ZFP3: variants seen among roughly 807,000 people sequenced by gnomAD.
The protein encoded by ZFP3 is zinc finger protein 3 homolog.
In ZFP3, 18 loss-of-function variants were observed where a neutral mutation model predicts 36.7. That is an observed-to-expected ratio of 0.49 (90% CI 0.34 to 0.73). The LOEUF is 0.73. Ranked by LOEUF, ZFP3 falls within the 30% of genes least tolerant of loss-of-function variation. The pLI is 0.01. For missense variants in ZFP3, 495 were observed against 599.0 expected, an observed-to-expected ratio of 0.83 and a Z score of 1.81; for synonymous variants, 218 against 199.0, an observed-to-expected ratio of 1.10 and a Z score of -0.81.
At position 5,094,534 on chromosome 17, in the gene ZFP3, C is replaced by T. The variant is rs112694016; in HGVS notation, c.*1521C>T. ...TCTTAGCGCTAGACCTTGAACAAGG[C>T]ACTTCACCTGCTGGTCTCCAATTTT... On this transcript the variant is annotated 3_prime_UTR_variant, in exon 2 of 2. Coordinates refer to ENST00000318833, the MANE Select transcript of ZFP3 (RefSeq NM_153018.3). 10 of 167,110 alleles carry T rather than the reference C, an allele frequency of 6.0e-5. No homozygotes were observed. The highest frequency in any genetic ancestry group is 2.4e-4 in the African/African-American group (10 of 41,456). The allele number at this position is 167,110 out of a possible 1,614,324, so 10.4% of individuals were successfully genotyped here.
chr17:5,093,114 T>G lies in ZFP3; in HGVS notation c.*101T>G. 8.0e-7 allele frequency: 1 copy of G among 1,252,988 alleles called. No individual in the cohort carries two copies. The highest frequency in any genetic ancestry group is 2.5e-5 in the East Asian group (1 of 40,338). The allele number at this position is 1,252,988 out of a possible 1,614,324, so 77.6% of individuals were successfully genotyped here. On this transcript the variant is annotated 3_prime_UTR_variant, in exon 2 of 2. Coordinates refer to ENST00000318833, the MANE Select transcript of ZFP3 (RefSeq NM_153018.3). ...ACCCCAAGTATTCAAATCCAATGAATGGACAGAACCTCCTCTGTCCTCCCA... is the reference window on the plus strand; with the variant it reads ...ACCCCAAGTATTCAAATCCAATGAAGGGACAGAACCTCCTCTGTCCTCCCA...
At chr17:5,089,398 T>C (rs1451358956) in intron 1 of ZFP3, among the ~76,000 whole-genome samples, 2 of 152,156 alleles carry the variant, frequency 1.3e-5, no homozygotes, top group Non-Finnish European at 2.9e-5. Flanking sequence ...CCTCATCCTT[T>C]AGGAGATTTC....
Position 5,094,822 on chromosome 17 carries a change from A to G in ZFP3, c.*1809A>G, listed in dbSNP as rs2072171905. On this transcript the variant is annotated 3_prime_UTR_variant, in exon 2 of 2. Transcript: ENST00000318833. ...AGCTTTATGAAGGTATAATTTACGTACTATAAAATTCACCTGTTTTAAGTG... is the reference window on the plus strand; with the variant it reads ...AGCTTTATGAAGGTATAATTTACGTGCTATAAAATTCACCTGTTTTAAGTG... 1 of 167,024 alleles carries G rather than the reference A, an allele frequency of 6.0e-6. No homozygotes were observed. The highest frequency in any genetic ancestry group is 1.5e-5 in the Non-Finnish European group (1 of 68,114). The allele number at this position is 167,024 out of a possible 1,614,324, so 10.3% of individuals were successfully genotyped here. A position where few individuals can be genotyped will look rare whatever the true frequency, so the allele number is the denominator to read the frequency against.
chr17:5,092,856 G>A lies in ZFP3; in HGVS notation c.1352G>A (p.Cys451Tyr), dbSNP rs2072157963. ...KIHIGEKPYE[C>Y]SECEKTFSQH... ...CATATTGGAGAGAAACCTTATGAAT[G>A]TAGCGAGTGTGAGAAAACATTTAGC... The change falls in exon 2 of 2, where the codon TGT (cysteine) becomes TAT (tyrosine). Residue 451 changes from cysteine to tyrosine, a missense_variant. Around this residue, in one of 3 missense-constraint regions of ZFP3, gnomAD observed 163 missense variants for 178.4 expected, o/e 0.91. Coordinates refer to ENST00000318833, the MANE Select transcript of ZFP3 (RefSeq NM_153018.3). This position sits in a 1 kb window ranked among gnomAD's most constrained non-coding sequence, Gnocchi z 5.0. The A allele has an allele frequency of 1.2e-6, 2 of 1,614,170 alleles. No individual in the cohort carries two copies. Among genetic ancestry groups the A allele is most frequent in the Non-Finnish European group, 8.5e-7 (1 of 1,180,030 alleles).
chr17:5,092,780 T>C lies in ZFP3; in HGVS notation c.1276T>C (p.Cys426Arg). Residue 426 changes from cysteine (C) to arginine (R), a missense_variant, in exon 2 of 2, where the codon TGT becomes CGT. Around this residue, in one of 3 missense-constraint regions of ZFP3, gnomAD observed 163 missense variants for 178.4 expected, o/e 0.91. Coordinates refer to ENST00000318833, the MANE Select transcript of ZFP3 (RefSeq NM_153018.3). This position sits in a 1 kb window ranked among gnomAD's most constrained non-coding sequence, Gnocchi z 5.0. ...TGEKPHQCNE[C>R]ARTFWDNSEL... Reference sequence around the variant, plus strand: ...AGAGAAACCCCATCAATGTAATGAGTGTGCAAGAACCTTTTGGGATAATTC... The same window carrying C: ...AGAGAAACCCCATCAATGTAATGAGCGTGCAAGAACCTTTTGGGATAATTC... The C allele has an allele frequency of 1.2e-6, 2 of 1,614,140 alleles. No homozygotes were observed.
In ZFP3 at chr17:5,095,101, T is replaced by G. The variant is rs1597909234; in HGVS notation, c.*2088T>G. On this transcript the variant is annotated 3_prime_UTR_variant, in exon 2 of 2. Transcript: ENST00000318833. ...TTCTATTACTGATTTCTATGTAGAT[T>G]TGAATATAACAAATTTAAATCATGT... 1.2e-5 allele frequency: 2 copies of G among 167,094 alleles called. No homozygotes were observed. Among genetic ancestry groups the G allele is most frequent in the Non-Finnish European group, 2.9e-5 (2 of 68,132 alleles). The allele number at this position is 167,094 out of a possible 1,614,324, so 10.4% of individuals were successfully genotyped here.
At chr17:5,083,891 G>C (rs1298995728) in intron 1 of ZFP3, among the ~76,000 whole-genome samples, 2 of 128,102 alleles carry the variant, frequency 1.6e-5, no homozygotes, top group Middle Eastern at 8.4e-3. Context: ...TTTTGAGATG[G>C]AGTCTGGCTC....
chr17:5,081,665 G>T (rs2072094044), intron 1 of ZFP3, among the ~76,000 whole-genome samples: 1 of 150,898 alleles, frequency 6.6e-6, no homozygotes, highest in African/African-American at 2.4e-5. Flanking sequence ...GCAGTGGTGC[G>T]ATCTTGGCTC....
At position 5,078,934 on chromosome 17, in the gene ZFP3, G is replaced by A. The variant is rs1032271415; in HGVS notation, c.-9+359G>A. 1.2e-4 allele frequency among the ~76,000 whole-genome samples: 19 copies of A among 152,188 alleles called. No homozygotes were observed. The highest frequency in any genetic ancestry group is 4.6e-4 in the African/African-American group (19 of 41,428). Reference sequence around the variant, plus strand: ...AACCGCTAGGACGAAATGGCGGGCAGTGTCACAAACTTAACGCCCTAGTGG... The same window carrying A: ...AACCGCTAGGACGAAATGGCGGGCAATGTCACAAACTTAACGCCCTAGTGG... On this transcript the variant is annotated intron_variant, in intron 1 of 1. Coordinates refer to ENST00000318833, the MANE Select transcript of ZFP3 (RefSeq NM_153018.3). The surrounding 1 kb of genome is among the most constrained non-coding windows in gnomAD (Gnocchi z 4.5).
rs1336434315 is a variant in ZFP3, at chr17:5,092,951, C to G, written c.1447C>G (p.Gln483Glu). 3 of 1,613,326 alleles carry G rather than the reference C, an allele frequency of 1.9e-6. No individual in the cohort carries two copies. In the African/African-American group the frequency reaches 4.0e-5, roughly 22 times the overall value. Reference protein sequence around the residue: ...GEKPYECQECQKTFSRSSHLL... With the variant: ...GEKPYECQECEKTFSRSSHLL... ...GAAGCCTTATGAGTGCCAAGAATGT[C>G]AGAAGACTTTTAGTCGGAGCTCTCA... The change falls in exon 2 of 2, where the codon CAG becomes GAG. Residue 483 changes from glutamine (Q) to glutamate (E), a missense_variant. Gln to Glu is a conservative substitution (Grantham distance 29, BLOSUM62 2). This residue lies in a region of ZFP3 where 163 missense variants were observed against 178.4 expected (regional missense o/e 0.91). Transcript: ENST00000318833. The surrounding 1 kb of genome is among the most constrained non-coding windows in gnomAD (Gnocchi z 5.0).
chr17:5,093,045 G>C lies in ZFP3; in HGVS notation c.*32G>C, dbSNP rs2072159263. On this transcript the variant is annotated 3_prime_UTR_variant, in exon 2 of 2. Transcript: ENST00000318833. Reference sequence around the variant, plus strand: ...AAATAGGAAAGCTTTTAGTGGAAAAGCTAAAGTCCAACTTATTCATTTGTT... The same window carrying C: ...AAATAGGAAAGCTTTTAGTGGAAAACCTAAAGTCCAACTTATTCATTTGTT... 1 of 1,526,806 alleles carries C rather than the reference G, an allele frequency of 6.5e-7. No homozygotes were observed. The highest frequency in any genetic ancestry group is 1.3e-5 in the South Asian group (1 of 75,210). The allele number at this position is 1,526,806 out of a possible 1,614,324, so 94.6% of individuals were successfully genotyped here.
rs1378880491 is a variant in ZFP3 at position 5,094,692 on chromosome 17, A to G, written c.*1679A>G. 6.0e-6 allele frequency: 1 copy of G among 167,118 alleles called. No individual in the cohort carries two copies. The highest frequency in any genetic ancestry group is 6.5e-5 in the Admixed American group (1 of 15,292). 10.4% of individuals were successfully genotyped at this position (167,118 alleles called of 1,614,324 possible). A position where few individuals can be genotyped will look rare whatever the true frequency, so the allele number is the denominator to read the frequency against. Reference sequence around the variant, plus strand: ...TTAACCTCATCTTTGTTACACTAATATTAGTCACTAATATTTATTGAGTGT... The same window carrying G: ...TTAACCTCATCTTTGTTACACTAATGTTAGTCACTAATATTTATTGAGTGT... On this transcript the variant is annotated 3_prime_UTR_variant, in exon 2 of 2. Transcript: ENST00000318833.
At position 5,078,925 on chromosome 17, in the gene ZFP3, TGGC is replaced by T. The variant is rs2072079533; in HGVS notation, c.-9+353_-9+355del. ...CCCCAAGTAAACCGCTAGGACGAAA[TGGC>T]GGGCAGTGTCACAAACTTAACGCCC... On this transcript the variant is annotated intron_variant, in intron 1 of 1. Coordinates refer to ENST00000318833, the MANE Select transcript of ZFP3 (RefSeq NM_153018.3). The surrounding 1 kb of genome is among the most constrained non-coding windows in gnomAD (Gnocchi z 4.5). Among the ~76,000 whole-genome samples, 1 of 152,154 alleles carries T rather than the reference TGGC, an allele frequency of 6.6e-6. No homozygotes were observed. Among genetic ancestry groups the T allele is most frequent in the Admixed American group, 6.5e-5 (1 of 15,280 alleles).
At position 5,091,607 on chromosome 17, in the gene ZFP3, G is replaced by C. The variant is rs1249920257; in HGVS notation, c.103G>C (p.Gly35Arg). The C allele has an allele frequency of 6.2e-7, 1 of 1,614,218 alleles. No homozygotes were observed. Among genetic ancestry groups the C allele is most frequent in the Admixed American group, 1.7e-5 (1 of 60,028 alleles). ...LEKFPKVVYQGHEFGAGCEED... is the reference protein window; with the variant it reads ...LEKFPKVVYQRHEFGAGCEED... The stretch of plus-strand genomic sequence containing the variant: ...AAAATTTCCAAAAGTGGTTTACCAA[G>C]GTCATGAGTTTGGAGCAGGATGTGA... Residue 35 changes from glycine (G) to arginine (R), a missense_variant, in exon 2 of 2, where the codon GGT becomes CGT. Physicochemically the swap from Gly to Arg is moderately radical, Grantham distance 125. Transcript: ENST00000318833.
At position 5,095,603 on chromosome 17, in the gene ZFP3, G is replaced by A. The variant is rs2072176914; in HGVS notation, c.*2590G>A. 1 of 166,862 alleles carries A rather than the reference G, an allele frequency of 6.0e-6. No homozygotes were observed. The highest frequency in any genetic ancestry group is 2.4e-5 in the African/African-American group (1 of 41,374). The allele number at this position is 166,862 out of a possible 1,614,324, so 10.3% of individuals were successfully genotyped here. A position where few individuals can be genotyped will look rare whatever the true frequency, so the allele number is the denominator to read the frequency against. On this transcript the variant is annotated 3_prime_UTR_variant, in exon 2 of 2. Coordinates refer to ENST00000318833, the MANE Select transcript of ZFP3 (RefSeq NM_153018.3). ...ATATGGACTTCACTGAAGATAGTGT[G>A]TAAGCAAAGGAGAAGAGTTCACATT...
At chr17:5,090,114 C>T (rs1402727804) in intron 1 of ZFP3, among the ~76,000 whole-genome samples, 1 of 151,998 alleles carries the variant, frequency 6.6e-6, no homozygotes, top group Non-Finnish European at 1.5e-5. Flanking sequence ...AAAAGAGGTA[C>T]AGAGACATGA....
At chr17:5,079,481 G>T (rs2072082407) in intron 1 of ZFP3, among the ~76,000 whole-genome samples, 1 of 152,072 alleles carries the variant, frequency 6.6e-6, no homozygotes, top group Non-Finnish European at 1.5e-5. Flanking sequence ...CAGTGAGTCT[G>T]GGCAATAGAG....
rs532756704 is a variant in ZFP3 at position 5,091,704 on chromosome 17, G to C, written c.200G>C (p.Arg67Thr). 2 of 1,614,218 alleles carry C rather than the reference G, an allele frequency of 1.2e-6. No individual in the cohort carries two copies. Among genetic ancestry groups the C allele is most frequent in the Admixed American group, 3.3e-5 (2 of 60,022 alleles). Residue 67 changes from arginine (R) to threonine (T), a missense_variant, in exon 2 of 2, where the codon AGA becomes ACA. Physicochemically the swap from Arg to Thr is moderately conservative, Grantham distance 71. Transcript: ENST00000318833. ...EVIEQMSPQE[R>T]DFPSGLMIFK... ...ATAGAGCAGATGTCTCCTCAGGAGA[G>C]AGACTTTCCATCAGGGTTGATGATC...
At chr17:5,082,768 G>A (rs2072101002) in intron 1 of ZFP3, among the ~76,000 whole-genome samples, 1 of 152,126 alleles carries the variant, frequency 6.6e-6, no homozygotes, top group Non-Finnish European at 1.5e-5. Flanking sequence ...GGGCTTAAGT[G>A]ATGTACCCAC....
Sources: gnomAD v4.1 joint callset for allele counts (sites outside exome capture counted in the v4.1 genomes callset) on GRCh38, gnomAD v4.1.1 for gene constraint, gnomAD v4.1.1 regional missense constraint, Gnocchi (gnomAD v3.1) non-coding constraint, MANE v1.5 for transcripts, NCBI Gene and HGNC (gene_info 2026-07-23, HGNC 2026-07-21) for gene names.